ZZEF1: variants seen among roughly 807,000 people sequenced by gnomAD.
ZZEF1 encodes zinc finger ZZ-type and EF-hand domain containing 1, also known as zinc finger ZZ-type and EF-hand domain-containing protein 1.
Under a neutral mutation model 342.8 loss-of-function variants are expected in ZZEF1, and 157 were observed. The ratio of observed to expected loss-of-function variants is 0.46; its 90% confidence interval spans 0.40 to 0.52. The LOEUF (loss-of-function observed/expected upper bound fraction) is 0.52, where lower values mean the gene tolerates loss of function less well. Among genes scored for constraint, ZZEF1 ranks in the 20% least tolerant of loss-of-function variants. The probability of loss-of-function intolerance (pLI) is 0.00; values close to 1 mark genes in which losing one functional copy is unlikely to be tolerated. For synonymous variants in ZZEF1, 1,505 were observed against 1,429.1 expected (o/e 1.05, Z -1.20); for missense variants, 3,480 against 3,725.6 (o/e 0.93, Z 1.72).
rs748989084 is a variant in ZZEF1 at position 4,033,999 on chromosome 17, C to T, written c.6584+16G>A. 4.3e-6 allele frequency: 7 copies of T among 1,611,252 alleles called. No homozygotes were observed. Among genetic ancestry groups the T allele is most frequent in the Admixed American group, 1.7e-5 (1 of 59,962 alleles). On this transcript the variant is annotated intron_variant, in intron 40 of 54. Transcript: ENST00000381638. ...GATAGAGGGCAGGTGGTTAGAGGAGCGAGGACCAAGGCTACCTGTCCAGAC... is the reference window on the plus strand; with the variant it reads ...GATAGAGGGCAGGTGGTTAGAGGAGTGAGGACCAAGGCTACCTGTCCAGAC...
chr17:4,031,337 T>C (rs1405319275), intron 42 of ZZEF1, among the ~76,000 whole-genome samples: 2 of 151,018 alleles, frequency 1.3e-5, no homozygotes, highest in East Asian at 3.9e-4. Context: ...AATAAATAAA[T>C]AAATAAATAA....
intron 12 of ZZEF1, among the ~76,000 whole-genome samples, chr17:4,090,287 A>C (rs1218977895): frequency 7.1e-6 from 1 of 141,598 alleles, no homozygotes; most frequent in African/African-American, 2.8e-5. Context: ...CCTCCTCCAC[A>C]CACTGTAGCC....
intron 37 of ZZEF1, among the ~76,000 whole-genome samples, chr17:4,046,852 A>G (rs1331680209): frequency 2.0e-5 from 3 of 152,230 alleles, no homozygotes; most frequent in Non-Finnish European, 4.4e-5. Context: ...CAGTTGTTGA[A>G]AACAAAAAGT....
At chr17:4,028,549 CAA>C (rs35998175) in intron 42 of ZZEF1, among the ~76,000 whole-genome samples, 23 of 108,856 alleles carry the variant, frequency 2.1e-4, no homozygotes, top group Admixed American at 3.6e-4. Context: ...ACTCTGTCTC[CAA>C]AAAAAAAAAA....
chr17:4,044,308 CT>C lies in ZZEF1; in HGVS notation c.6081del (p.Gly2028ValfsTer41). 1 of 1,614,108 alleles carries C rather than the reference CT, an allele frequency of 6.2e-7. No individual in the cohort carries two copies. The highest frequency in any genetic ancestry group is 8.5e-7 in the Non-Finnish European group (1 of 1,179,990). ...GAAGGATCCTTCGATAATGATACACCTTTATCTGCCTTATTTCTCTGCTTGA... is the reference window on the plus strand; with the variant it reads ...GAAGGATCCTTCGATAATGATACACCTTATCTGCCTTATTTCTCTGCTTGA... The part of the protein sequence containing the change: ...VDFKQRNKAD[K>X]GVSLSKDPSC... On this transcript the variant is annotated frameshift_variant, in exon 38 of 55. Transcript: ENST00000381638. LOFTEE classifies it high-confidence loss of function.
Position 4,016,666 on chromosome 17 carries a change from C to A in ZZEF1, c.8002-200G>T, listed in dbSNP as rs1439591071. On this transcript the variant is annotated intron_variant, in intron 48 of 54. Coordinates refer to ENST00000381638, the MANE Select transcript of ZZEF1 (RefSeq NM_015113.4). This position sits in a 1 kb window ranked among gnomAD's most constrained non-coding sequence, Gnocchi z 4.4. ...GCTCTTGGTGTCAATCAGGACACTG[C>A]AGTCCTTTCAGAATGATGCTACTTA... 1.8e-6 allele frequency: 1 copy of A among 562,968 alleles called. No individual in the cohort carries two copies. The highest frequency in any genetic ancestry group is 3.1e-6 in the Non-Finnish European group (1 of 321,442). The allele number at this position is 562,968 out of a possible 1,614,324, so 34.9% of individuals were successfully genotyped here.
At chr17:4,115,011 A>G (rs556492016) in intron 3 of ZZEF1, among the ~76,000 whole-genome samples, 14 of 152,174 alleles carry the variant, frequency 9.2e-5, no homozygotes, top group Middle Eastern at 3.4e-3. Flanking sequence ...GTTTACTATA[A>G]CCCACGTGCT....
Position 4,142,814 on chromosome 17 carries a change from C to T in ZZEF1, c.82G>A (p.Ala28Thr), listed in dbSNP as rs762602976. The T allele has an allele frequency of 2.8e-5, 39 of 1,410,004 alleles. No individual in the cohort carries two copies. Among genetic ancestry groups the T allele is most frequent in the Non-Finnish European group, 3.3e-5 (36 of 1,094,470 alleles). 87.3% of individuals were successfully genotyped at this position (1,410,004 alleles called of 1,614,324 possible). A position where few individuals can be genotyped will look rare whatever the true frequency, so the allele number is the denominator to read the frequency against. The change falls in exon 1 of 55, where the codon GCC becomes ACC. Residue 28 changes from alanine to threonine, a missense_variant. This residue lies in a region of ZZEF1 where 416 missense variants were observed against 374.2 expected (regional missense o/e 1.11). Transcript: ENST00000381638. ...GEGWGPHQDW[A>T]AVSGTTPGPG... ...CCGGGGGTCGTGCCCGAGACCGCGG[C>T]CCAGTCCTGGTGTGGGCCCCAGCCC...
At chr17:4,140,576 T>A (rs896044962) in intron 1 of ZZEF1, among the ~76,000 whole-genome samples, 1 of 152,214 alleles carries the variant, frequency 6.6e-6, no homozygotes. Flanking sequence ...TGGCACTCGA[T>A]ATACGCCCAA....
intron 14 of ZZEF1, 105 bp from the exon 15 acceptor site, chr17:4,086,760 A>C (rs2057837492): frequency 9.3e-7 from 1 of 1,077,872 alleles, no homozygotes; most frequent in Non-Finnish European, 1.3e-6. Flanking sequence ...ATCAGGCTCG[A>C]TGAAAATAAT....
chr17:4,094,990 A>C (rs2058008600), intron 11 of ZZEF1, among the ~76,000 whole-genome samples: 1 of 152,166 alleles, frequency 6.6e-6, no homozygotes, highest in African/African-American at 2.4e-5. Flanking sequence ...ATGCCTCAAC[A>C]CATTCCCCTG....
chr17:4,077,844 A>T lies in ZZEF1; in HGVS notation c.2989+39T>A. The T allele has an allele frequency of 2.5e-6, 4 of 1,605,228 alleles. No individual in the cohort carries two copies. In the South Asian group the frequency reaches 3.3e-5, roughly 13 times the overall value. On this transcript the variant is annotated intron_variant, in intron 19 of 54. Coordinates refer to ENST00000381638, the MANE Select transcript of ZZEF1 (RefSeq NM_015113.4). ...AGAGAACACTCAGAGTCAAAACCCA[A>T]ACGCCATCTGTTTTCATGGATTTTA...
At chr17:4,087,641 T>G in intron 13 of ZZEF1, 107 bp from the exon 14 acceptor site, 1 of 930,768 alleles carries the variant, frequency 1.1e-6, no homozygotes, top group Non-Finnish European at 1.6e-6. Flanking sequence ...TGGCTCTACA[T>G]GAGTGAGACT....
Position 4,034,268 on chromosome 17 carries a change from G to T in ZZEF1, c.6331C>A (p.Leu2111Met). Residue 2111 changes from leucine (L) to methionine (M), a missense_variant, in exon 40 of 55, where the codon CTG (leucine) becomes ATG (methionine). Physicochemically the swap from Leu to Met is conservative, Grantham distance 15. Transcript: ENST00000381638. ...AACATGAGTGGAAGGACGTGCTCCA[G>T]GTCTATCAGGGGAACCGTGGGGCCC... The part of the protein sequence containing the change: ...KSGPTVPLID[L>M]EHVLPLMFQV... 1 of 1,614,210 alleles carries T rather than the reference G, an allele frequency of 6.2e-7. No individual in the cohort carries two copies. The highest frequency in any genetic ancestry group is 8.5e-7 in the Non-Finnish European group (1 of 1,180,028).
rs937551641 is a variant in ZZEF1, at chr17:4,025,515, C to T, written c.6893-397G>A. On this transcript the variant is annotated intron_variant, in intron 42 of 54. Coordinates refer to ENST00000381638, the MANE Select transcript of ZZEF1 (RefSeq NM_015113.4). ...TAGCTTGGTCAACATGGCAAAACCC[C>T]GTCTAATAATACAAAAATTAGCTAG... 3.3e-5 allele frequency among the ~76,000 whole-genome samples: 5 copies of T among 152,024 alleles called. No individual in the cohort carries two copies. In the South Asian group the frequency reaches 8.3e-4, roughly 25 times the overall value.
In ZZEF1 at chr17:4,072,698, T is replaced by C; in HGVS notation, c.3744A>G (p.Pro1248=). 1 of 1,614,082 alleles carries C rather than the reference T, an allele frequency of 6.2e-7. No individual in the cohort carries two copies. Among genetic ancestry groups the C allele is most frequent in the South Asian group, 1.1e-5 (1 of 91,072 alleles). The part of the protein sequence containing the change: ...QAKMALVLSS[P]LWKPVFRHQV... ...GATGCCTGAAGACAGGTTTCCACAG[T>C]GGGGAGCTTAGGACTAATGCCATTT... Residue 1248 remains proline (P), a synonymous_variant, in exon 25 of 55, where the codon CCA becomes CCG. Transcript: ENST00000381638.
rs1567763283 is a variant in ZZEF1, at chr17:4,017,422, G to A, written c.7950C>T (p.Thr2650=). ...ILELSGPAHM[T]YILDMFMQLE... ...GCTGCATGAACATATCCAAAATGTA[G>A]GTCATATGGGCAGGGCCACTGAGCT... Residue 2650 remains threonine, a synonymous_variant, in exon 48 of 55, where the codon ACC becomes ACT. Transcript: ENST00000381638. This position sits in a 1 kb window ranked among gnomAD's most constrained non-coding sequence, Gnocchi z 5.1. 6.2e-7 allele frequency: 1 copy of A among 1,611,438 alleles called. No homozygotes were observed. The highest frequency in any genetic ancestry group is 8.5e-7 in the Non-Finnish European group (1 of 1,177,798).
At position 4,086,595 on chromosome 17, in the gene ZZEF1, G is replaced by C. The variant is rs1170897195; in HGVS notation, c.2403C>G (p.Phe801Leu). Reference sequence around the variant, plus strand: ...CCAGTACATCTCCCTGCAGCACAGAGAAGCAGCTCTGGAGTAGCTGCAGAA... The same window carrying C: ...CCAGTACATCTCCCTGCAGCACAGACAAGCAGCTCTGGAGTAGCTGCAGAA... ...TLLLQLLQSCFSVLQGDVLAA... is the reference protein window; with the variant it reads ...TLLLQLLQSCLSVLQGDVLAA... Residue 801 changes from phenylalanine (F) to leucine (L), a missense_variant, in exon 15 of 55, where the codon TTC (phenylalanine) becomes TTG (leucine). Physicochemically the swap from Phe to Leu is conservative, Grantham distance 22. Coordinates refer to ENST00000381638, the MANE Select transcript of ZZEF1 (RefSeq NM_015113.4). 2 of 1,614,094 alleles carry C rather than the reference G, an allele frequency of 1.2e-6. No individual in the cohort carries two copies. Among genetic ancestry groups the C allele is most frequent in the African/African-American group, 1.3e-5 (1 of 74,916 alleles).
At position 4,075,306 on chromosome 17, in the gene ZZEF1, AG is replaced by A; in HGVS notation, c.3357del (p.Tyr1120IlefsTer44). The stretch of plus-strand genomic sequence containing the variant: ...CTGTCATCGAATTCCACTTCAAAAT[AG>A]GTTGCCCCTGGGCTAACAAAGACGG... ...EVSVFVSPGA[T>X]YFEVEFDDRC... On this transcript the variant is annotated frameshift_variant, in exon 22 of 55. Transcript: ENST00000381638. LOFTEE classifies it high-confidence loss of function. 1 of 1,614,222 alleles carries A rather than the reference AG, an allele frequency of 6.2e-7. No individual in the cohort carries two copies. The highest frequency in any genetic ancestry group is 8.5e-7 in the Non-Finnish European group (1 of 1,180,038).
Sources: gnomAD v4.1 joint callset for allele counts (sites outside exome capture counted in the v4.1 genomes callset) on GRCh38, gnomAD v4.1.1 for gene constraint, gnomAD v4.1.1 regional missense constraint, Gnocchi (gnomAD v3.1) non-coding constraint, MANE v1.5 for transcripts, NCBI Gene and HGNC (gene_info 2026-07-23, HGNC 2026-07-21) for gene names.